Variants in KCNJ6 observed in about 807,000 individuals in gnomAD.
The protein encoded by KCNJ6 is G protein-activated inward rectifier potassium channel 2.
Under a neutral mutation model 34.2 loss-of-function variants are expected in KCNJ6, and 9 were observed. That is an observed-to-expected ratio of 0.26 (90% CI 0.16 to 0.46). The LOEUF (loss-of-function observed/expected upper bound fraction) is 0.46. Ranked by LOEUF, KCNJ6 falls within the 20% of genes least tolerant of loss-of-function variation. KCNJ6 has a pLI of 1.00. For missense variants in KCNJ6, 236 were observed against 531.3 expected, an observed-to-expected ratio of 0.44 and a Z score of 5.46; for synonymous variants, 196 against 207.1, an observed-to-expected ratio of 0.95 and a Z score of 0.46.
rs371100697 is a variant in KCNJ6 at position 37,809,089 on chromosome 21, G to A, written c.25+31569C>T. 2.8e-3 allele frequency among the ~76,000 whole-genome samples: 428 copies of A among 152,182 alleles called. 5 individuals are homozygous for A. The highest frequency in any genetic ancestry group is 9.5e-3 in the African/African-American group (395 of 41,502). ...ACACATGCACACATATGTTTATTGC[G>A]GCACTATTCACAATAGCAAAGGCTT... On this transcript the variant is annotated intron_variant, in intron 2 of 3. Transcript: ENST00000609713.
chr21:37,636,890 G>T (rs2054360396), intron 3 of KCNJ6, among the ~76,000 whole-genome samples: 1 of 152,168 alleles, frequency 6.6e-6, no homozygotes, highest in East Asian at 1.9e-4. Context: ...CAGCCTGGAG[G>T]ATATGATTCC....
chr21:37,851,350 T>C (rs1287295833), intron 1 of KCNJ6, among the ~76,000 whole-genome samples: 1 of 152,216 alleles, frequency 6.6e-6, no homozygotes, highest in Non-Finnish European at 1.5e-5. Flanking sequence ...AAGATGTGCT[T>C]CTTCAATCTC....
intron 3 of KCNJ6, among the ~76,000 whole-genome samples, chr21:37,660,281 A>G (rs1450911784): frequency 4.6e-5 from 7 of 152,244 alleles, no homozygotes; most frequent in Non-Finnish European, 1.5e-5. Context: ...GATTCCTGCC[A>G]CAGGGTGCAA....
intron 1 of KCNJ6, among the ~76,000 whole-genome samples, chr21:37,868,002 G>A (rs2055631556): frequency 6.6e-6 from 1 of 152,172 alleles, no homozygotes; most frequent in African/African-American, 2.4e-5. Flanking sequence ...GTTCTTGTGT[G>A]GATGGAAACA....
chr21:37,640,574 G>A (rs1186178649), intron 3 of KCNJ6, among the ~76,000 whole-genome samples: 1 of 152,230 alleles, frequency 6.6e-6, no homozygotes, highest in Admixed American at 6.5e-5. Context: ...TACATCATAT[G>A]TTTTGTTGTT....
At chr21:37,626,282 C>T (rs192100851) in intron 3 of KCNJ6, among the ~76,000 whole-genome samples, 11 of 151,992 alleles carry the variant, frequency 7.2e-5, no homozygotes, top group Non-Finnish European at 1.3e-4. Context: ...AGGTGCACAC[C>T]GCCATGTCCG....
intron 3 of KCNJ6, among the ~76,000 whole-genome samples, chr21:37,646,370 A>T (rs2054404250): frequency 6.6e-6 from 1 of 152,194 alleles, no homozygotes; most frequent in South Asian, 2.1e-4. Flanking sequence ...TAACAGGATT[A>T]TCTCATCAAT....
chr21:37,679,093 A>G (rs2054579649), intron 3 of KCNJ6, among the ~76,000 whole-genome samples: 1 of 152,208 alleles, frequency 6.6e-6, no homozygotes. Context: ...AGCAACTTAT[A>G]GAGATGTCCA....
intron 2 of KCNJ6, among the ~76,000 whole-genome samples, chr21:37,722,171 T>A (rs1030214213): frequency 2.6e-5 from 4 of 152,154 alleles, no homozygotes; most frequent in African/African-American, 9.7e-5. Context: ...AGCTGAGAGC[T>A]GAATCAAGAA....
intron 2 of KCNJ6, among the ~76,000 whole-genome samples, chr21:37,719,990 T>A (rs9979466): frequency 0.24 from 35,787 of 152,008 alleles, 4,452 homozygotes; most frequent in East Asian, 0.33. Context: ...GACTTTTTAA[T>A]GTCGTGGGGA....
chr21:37,693,439 G>A (rs1376344343), intron 3 of KCNJ6, among the ~76,000 whole-genome samples: 1 of 152,184 alleles, frequency 6.6e-6, no homozygotes, highest in East Asian at 1.9e-4. Flanking sequence ...GAATCCTGGA[G>A]GAGAACCAGG....
chr21:37,733,152 TA>T (rs1211247195), intron 2 of KCNJ6, among the ~76,000 whole-genome samples: 2 of 152,216 alleles, frequency 1.3e-5, no homozygotes, highest in Non-Finnish European at 2.9e-5. Context: ...TCTTTTCCTA[TA>T]AAGGCTGCAC....
intron 1 of KCNJ6, among the ~76,000 whole-genome samples, chr21:37,908,621 A>G (rs777205139): frequency 1.3e-5 from 2 of 152,226 alleles, no homozygotes; most frequent in African/African-American, 2.4e-5. Flanking sequence ...CTTTGTGTCT[A>G]CTTTAACAGA....
intron 1 of KCNJ6, among the ~76,000 whole-genome samples, chr21:37,846,466 G>A (rs1430770990): frequency 1.3e-5 from 2 of 151,398 alleles, no homozygotes; most frequent in African/African-American, 4.9e-5. Context: ...TCTAGAAAGG[G>A]TAGAAAGGGT....
chr21:37,691,608 T>A (rs1017273115), intron 3 of KCNJ6, among the ~76,000 whole-genome samples: 1 of 152,212 alleles, frequency 6.6e-6, no homozygotes, highest in African/African-American at 2.4e-5. Context: ...TAGAATGGTT[T>A]CCAGGAACAT....
At chr21:37,832,311 G>A (rs1040858315) in intron 2 of KCNJ6, among the ~76,000 whole-genome samples, 2 of 151,624 alleles carry the variant, frequency 1.3e-5, no homozygotes, top group African/African-American at 2.4e-5. Context: ...TAGTGGGCCT[G>A]GAGTAGCTTT....
intron 2 of KCNJ6, among the ~76,000 whole-genome samples, chr21:37,833,406 C>G (rs2055436450): frequency 2.0e-5 from 3 of 152,118 alleles, no homozygotes; most frequent in African/African-American, 7.2e-5. Flanking sequence ...ATTGTGCCCC[C>G]TTCATCTTGG....
intron 3 of KCNJ6, among the ~76,000 whole-genome samples, chr21:37,684,426 T>A (rs909811170): frequency 6.6e-6 from 1 of 152,118 alleles, no homozygotes; most frequent in African/African-American, 2.4e-5. Flanking sequence ...CTAACTTAAC[T>A]AATTACATCT....
intron 1 of KCNJ6, among the ~76,000 whole-genome samples, chr21:37,875,124 T>C (rs1309076617): frequency 2.6e-5 from 4 of 152,156 alleles, no homozygotes; most frequent in African/African-American, 9.7e-5. Flanking sequence ...CCCTCAGCCA[T>C]AAGTGATTCT....
Sources: gnomAD v4.1 joint callset for allele counts (sites outside exome capture counted in the v4.1 genomes callset) on GRCh38, gnomAD v4.1.1 for gene constraint, MANE v1.5 for transcripts, NCBI Gene and HGNC (gene_info 2026-07-23, HGNC 2026-07-21) for gene names.